Variants in TULP4 observed in about 807,000 individuals in gnomAD.
The protein encoded by TULP4 is tubby-related protein 4.
In TULP4, 16 loss-of-function variants were observed where a neutral mutation model predicts 129.0. The observed-to-expected ratio is 0.12, with a 90% CI of 0.08 to 0.19. TULP4 has a LOEUF of 0.19. Ranked by LOEUF, TULP4 falls within the 10% of genes least tolerant of loss-of-function variation. The pLI is 1.00. For synonymous variants in TULP4, 998 were observed against 854.0 expected (o/e 1.17, Z -2.94); for missense variants, 1,842 against 2,059.1 (o/e 0.89, Z 2.04).
At chr6:158,338,178 A>G (rs915996919) in intron 1 of TULP4, among the ~76,000 whole-genome samples, 7 of 152,128 alleles carry the variant, frequency 4.6e-5, no homozygotes, top group African/African-American at 1.7e-4. Flanking sequence ...TTGCTCTGTC[A>G]CCTAGGCTGG....
At chr6:158,356,070 G>A (rs78350416) in intron 1 of TULP4, among the ~76,000 whole-genome samples, 7,955 of 152,168 alleles carry the variant, frequency 0.052, 278 homozygotes, top group African/African-American at 0.089. Context: ...TTCGTTGAAA[G>A]GTCCACTTTA....
At position 158,493,246 on chromosome 6, in the gene TULP4, C is replaced by T. The variant is rs368312593; in HGVS notation, c.1632-327C>T. ...CCAGGCTCAAGTGGAGTTGTGTAAT[C>T]GTAGCTCATTGCAGCCTTGAACTCC... On this transcript the variant is annotated intron_variant, in intron 9 of 13. Coordinates refer to ENST00000367097, the MANE Select transcript of TULP4 (RefSeq NM_020245.5). The surrounding 1 kb of genome is among the most constrained non-coding windows in gnomAD (Gnocchi z 4.4). Among the ~76,000 whole-genome samples the T allele has an allele frequency of 6.6e-6, 1 of 152,148 alleles. No individual in the cohort carries two copies. Among genetic ancestry groups the T allele is most frequent in the Admixed American group, 6.5e-5 (1 of 15,270 alleles).
chr6:158,310,031 C>T (rs534462395), upstream of TULP4, among the ~76,000 whole-genome samples: 9 of 152,158 alleles, frequency 5.9e-5, no homozygotes, highest in Admixed American at 3.3e-4. Context: ...AAGAAAATGT[C>T]GGCCAAATAT....
chr6:158,232,939 C>T (rs1777625220), intron 1 of TULP4, among the ~76,000 whole-genome samples: 1 of 152,250 alleles, frequency 6.6e-6, no homozygotes, highest in East Asian at 1.9e-4. Flanking sequence ...GTGCTGTTTC[C>T]TCTGGCAAAT....
chr6:158,282,544 T>C (rs1422491516), intron 1 of TULP4, among the ~76,000 whole-genome samples: 1 of 151,428 alleles, frequency 6.6e-6, no homozygotes, highest in African/African-American at 2.4e-5. Flanking sequence ...TGCTACCCGG[T>C]GTCTACTCTT....
chr6:158,252,150 T>C (rs2128452600), intron 1 of TULP4, among the ~76,000 whole-genome samples: 1 of 152,322 alleles, frequency 6.6e-6, no homozygotes, highest in Admixed American at 6.5e-5. Flanking sequence ...GAGTTTACTG[T>C]GTTACCTCTT....
chr6:158,288,012 A>G (rs1410310272), intron 1 of TULP4, among the ~76,000 whole-genome samples: 1 of 152,224 alleles, frequency 6.6e-6, no homozygotes, highest in East Asian at 1.9e-4. Flanking sequence ...CATGTGGTCT[A>G]CGGTGAAGAG....
At chr6:158,472,370 T>C (rs1192436648) in intron 6 of TULP4, among the ~76,000 whole-genome samples, 1 of 152,264 alleles carries the variant, frequency 6.6e-6, no homozygotes, top group Non-Finnish European at 1.5e-5. Context: ...TGATCTTCCT[T>C]TGAAGAAAGA....
chr6:158,351,635 A>G (rs1780526025), intron 1 of TULP4, among the ~76,000 whole-genome samples: 1 of 140,776 alleles, frequency 7.1e-6, no homozygotes, highest in Non-Finnish European at 1.5e-5. Flanking sequence ...TAACTCAGGG[A>G]TTGTCTATAT....
intron 3 of TULP4, among the ~76,000 whole-genome samples, chr6:158,445,411 A>G (rs1779013632): frequency 6.6e-6 from 1 of 152,202 alleles, no homozygotes; most frequent in South Asian, 2.1e-4. Flanking sequence ...GAAGAATGGA[A>G]GGAGATTGCT....
At chr6:158,452,626 T>C (rs1779188839) in intron 5 of TULP4, among the ~76,000 whole-genome samples, 1 of 152,236 alleles carries the variant, frequency 6.6e-6, no homozygotes, top group South Asian at 2.1e-4. Flanking sequence ...AGGCAGCAGA[T>C]GGTGCACAAG....
At chr6:158,271,227 A>T (rs9355614) in intron 1 of TULP4, among the ~76,000 whole-genome samples, 3 of 150,124 alleles carry the variant, frequency 2.0e-5, no homozygotes, top group African/African-American at 2.5e-5. Flanking sequence ...TGCTCTGTTG[A>T]GTTTTGTTTC....
chr6:158,408,015 A>G (rs1778005447), intron 1 of TULP4, among the ~76,000 whole-genome samples: 1 of 152,224 alleles, frequency 6.6e-6, no homozygotes, highest in African/African-American at 2.4e-5. Flanking sequence ...ACCCCTTATC[A>G]TTTGAATCAG....
At chr6:158,325,027 A>G (rs1301412813) in intron 1 of TULP4, among the ~76,000 whole-genome samples, 1 of 152,232 alleles carries the variant, frequency 6.6e-6, no homozygotes, top group Non-Finnish European at 1.5e-5. Flanking sequence ...GATTATAAAC[A>G]ATAGTAATAA....
At chr6:158,411,256 T>G (rs1455879744) in intron 1 of TULP4, among the ~76,000 whole-genome samples, 1 of 152,206 alleles carries the variant, frequency 6.6e-6, no homozygotes, top group Non-Finnish European at 1.5e-5. Context: ...TATTCATAAT[T>G]GCTGTGTGTC....
chr6:158,339,414 G>A (rs113958089), intron 1 of TULP4, among the ~76,000 whole-genome samples: 33 of 152,296 alleles, frequency 2.2e-4, no homozygotes, highest in Admixed American at 5.9e-4. Flanking sequence ...CATTGTCAGC[G>A]TTCAAGAGCA....
chr6:158,328,818 G>C (rs1459367522), intron 1 of TULP4, among the ~76,000 whole-genome samples: 2 of 152,188 alleles, frequency 1.3e-5, no homozygotes, highest in East Asian at 1.9e-4. Flanking sequence ...AGCCAGCAGA[G>C]CCTGACTTGG....
At chr6:158,391,647 TAAG>T (rs1459810726) in intron 1 of TULP4, among the ~76,000 whole-genome samples, 3 of 152,204 alleles carry the variant, frequency 2.0e-5, no homozygotes, top group Admixed American at 2.0e-4. Flanking sequence ...ATCCCTCAAT[TAAG>T]GAGAATGAAT....
chr6:158,489,521 T>C (rs1460980375), intron 8 of TULP4, 67 bp from the exon 9 acceptor site: 1 of 1,592,444 alleles, frequency 6.3e-7, no homozygotes, highest in Non-Finnish European at 8.6e-7. Flanking sequence ...TAGTTTATAG[T>C]AATGATCATT....
Sources: gnomAD v4.1 joint callset for allele counts (sites outside exome capture counted in the v4.1 genomes callset) on GRCh38, gnomAD v4.1.1 for gene constraint, Gnocchi (gnomAD v3.1) non-coding constraint, MANE v1.5 for transcripts, NCBI Gene and HGNC (gene_info 2026-07-23, HGNC 2026-07-21) for gene names.